The following AXDND1 variants were observed in gnomAD, a reference collection of about 807,000 sequenced individuals.
The protein encoded by AXDND1 is axonemal dynein light chain domain-containing protein 1.
In AXDND1, 110 loss-of-function variants were observed where a neutral mutation model predicts 137.5. The ratio of observed to expected loss-of-function variants is 0.80; its 90% CI spans 0.69 to 0.94. AXDND1 has a LOEUF of 0.94. Ranked by LOEUF, AXDND1 falls within the 40% of genes least tolerant of loss-of-function variation. The pLI is 0.00. For missense variants in AXDND1, 1,191 were observed against 1,169.8 expected (o/e 1.02, Z -0.26); for synonymous variants, 414 against 399.7 (o/e 1.04, Z -0.43).
chr1:179,388,151 A>C (rs913133106), intron 9 of AXDND1, among the ~76,000 whole-genome samples: 3 of 152,176 alleles, frequency 2.0e-5, no homozygotes, highest in Non-Finnish European at 2.9e-5. Flanking sequence ...CTGGTCTCTC[A>C]GGGATCACTC....
intron 14 of AXDND1, among the ~76,000 whole-genome samples, chr1:179,431,675 G>A (rs1037391804): frequency 6.6e-6 from 1 of 151,938 alleles, no homozygotes; most frequent in Non-Finnish European, 1.5e-5. Context: ...CCCATTAGTA[G>A]ATTTGGAAGT....
Position 179,534,881 on chromosome 1 carries a change from A to C in AXDND1, c.2950A>C (p.Arg984=), listed in dbSNP as rs748773326. ...AGAAGAGAAAGAAAATCAAGATGAA[A>C]GAGAAGTAAAAGAAGAAGAAGAACA... ...SKEEKENQDE[R]EVKEEEEQQE... Residue 984 remains arginine, a synonymous_variant, in exon 25 of 26, where the codon AGA becomes CGA. Coordinates refer to ENST00000367618, the MANE Select transcript of AXDND1 (RefSeq NM_144696.6). 2 of 1,602,772 alleles carry C rather than the reference A, an allele frequency of 1.2e-6. No individual in the cohort carries two copies. The highest frequency in any genetic ancestry group is 4.5e-5 in the East Asian group (2 of 44,338).
intron 20 of AXDND1, among the ~76,000 whole-genome samples, chr1:179,500,185 C>A (rs11803274): frequency 0.061 from 9,242 of 151,964 alleles, 354 homozygotes; most frequent in Non-Finnish European, 0.07. Context: ...GGGTAACACA[C>A]ATTATGAACA....
chr1:179,444,417 T>A (rs1393283923), intron 15 of AXDND1, among the ~76,000 whole-genome samples: 3 of 152,094 alleles, frequency 2.0e-5, no homozygotes, highest in Non-Finnish European at 4.4e-5. Context: ...TGCTAATTAC[T>A]CTTATTGAAG....
intron 2 of AXDND1, among the ~76,000 whole-genome samples, chr1:179,367,366 TAGG>T (rs1216432745): frequency 5.3e-5 from 8 of 151,680 alleles, no homozygotes; most frequent in African/African-American, 1.9e-4. Flanking sequence ...ATACAAAAAT[TAGG>T]GGGGGCGTGG....
At chr1:179,426,752 AT>A (rs1221148415) in intron 12 of AXDND1, among the ~76,000 whole-genome samples, 1 of 152,238 alleles carries the variant, frequency 6.6e-6, no homozygotes, top group Non-Finnish European at 1.5e-5. Context: ...ATTTAAAAGA[AT>A]GTTGTAGATA....
intron 11 of AXDND1, among the ~76,000 whole-genome samples, chr1:179,397,774 T>C (rs1651303182): frequency 6.6e-6 from 1 of 152,242 alleles, no homozygotes; most frequent in African/African-American, 2.4e-5. Context: ...ACTTGGTTTA[T>C]TCTGCTATTA....
intron 4 of AXDND1, among the ~76,000 whole-genome samples, chr1:179,376,087 T>C (rs895395859): frequency 3.3e-5 from 5 of 152,206 alleles, no homozygotes; most frequent in African/African-American, 1.2e-4. Context: ...TCTAAAATAA[T>C]TTAAAATTTC....
At chr1:179,376,564 G>C (rs976210556) in intron 4 of AXDND1, among the ~76,000 whole-genome samples, 2 of 152,004 alleles carry the variant, frequency 1.3e-5, no homozygotes, top group African/African-American at 4.8e-5. Context: ...TACACTTTTC[G>C]GTTGCTTACC....
intron 11 of AXDND1, among the ~76,000 whole-genome samples, chr1:179,400,482 G>A (rs78233610): frequency 0.072 from 10,922 of 151,876 alleles, 523 homozygotes; most frequent in Non-Finnish European, 0.098. Context: ...TATACTGCTC[G>A]AGTGATGGGT....
intron 17 of AXDND1, among the ~76,000 whole-genome samples, chr1:179,480,659 G>A (rs942030807): frequency 6.6e-5 from 10 of 152,042 alleles, no homozygotes; most frequent in Non-Finnish European, 1.0e-4. Flanking sequence ...TCTTTTTGTT[G>A]TTGTTGTTTT....
intron 17 of AXDND1, among the ~76,000 whole-genome samples, chr1:179,477,255 C>T (rs80193766): frequency 0.03 from 4,512 of 152,104 alleles, 248 homozygotes; most frequent in African/African-American, 0.1. Flanking sequence ...ATAATACCTT[C>T]CTTTGTTTAT....
rs1571882821 is a variant in AXDND1 at position 179,449,988 on chromosome 1, A to ATTCTTTT, written c.1798+4786_1798+4787insCTTTTTT. On this transcript the variant is annotated intron_variant, in intron 16 of 25. Transcript: ENST00000367618. The stretch of plus-strand genomic sequence containing the variant: ...TTTTACTAGTTTCTTGCCAATCTGG[A>ATTCTTTT]TTTTTTTTTTTTTTTTTTTTTTTTT... 41 of 65,352 alleles carry ATTCTTTT rather than the reference A, an allele frequency of 6.3e-4. 7 individuals carry two copies. Among genetic ancestry groups the ATTCTTTT allele is most frequent in the Non-Finnish European group, 6.6e-4 (24 of 36,178 alleles). The allele number at this position is 65,352 out of a possible 1,614,324, so 4.0% of individuals were successfully genotyped here. A position where few individuals can be genotyped will look rare whatever the true frequency, so the allele number is the denominator to read the frequency against.
chr1:179,541,994 G>A (rs1401761492), intron 25 of AXDND1, among the ~76,000 whole-genome samples: 1 of 152,048 alleles, frequency 6.6e-6, no homozygotes, highest in East Asian at 1.9e-4. Flanking sequence ...TTTAAAGGCA[G>A]AAAAAAGACC....
chr1:179,423,000 G>A (rs1227235200), intron 12 of AXDND1, among the ~76,000 whole-genome samples: 2 of 152,148 alleles, frequency 1.3e-5, no homozygotes, highest in African/African-American at 4.8e-5. Flanking sequence ...CTGACCTCAA[G>A]TGATCCGCCC....
At chr1:179,392,164 T>G (rs11804154) in intron 9 of AXDND1, among the ~76,000 whole-genome samples, 44,321 of 152,116 alleles carry the variant, frequency 0.29, 6,656 homozygotes, top group Non-Finnish European at 0.31. Flanking sequence ...GTCCATTATA[T>G]CATTCTTATG....
chr1:179,517,532 T>C (rs549270296), intron 21 of AXDND1, among the ~76,000 whole-genome samples: 3 of 152,216 alleles, frequency 2.0e-5, no homozygotes, highest in African/African-American at 7.2e-5. Flanking sequence ...TGGGGCGTTT[T>C]CCCCTGTGCC....
At chr1:179,494,453 T>A (rs1317063557) in intron 20 of AXDND1, among the ~76,000 whole-genome samples, 1 of 152,192 alleles carries the variant, frequency 6.6e-6, no homozygotes, top group East Asian at 1.9e-4. Context: ...TCCTTATTAT[T>A]GAGTTTAGAC....
intron 20 of AXDND1, among the ~76,000 whole-genome samples, chr1:179,501,361 C>T (rs1475371435): frequency 6.6e-6 from 1 of 152,050 alleles, no homozygotes; most frequent in African/African-American, 2.4e-5. Flanking sequence ...AAATTTATGG[C>T]CTTTTATATA....
Sources: gnomAD v4.1 joint callset for allele counts (sites outside exome capture counted in the v4.1 genomes callset) on GRCh38, gnomAD v4.1.1 for gene constraint, MANE v1.5 for transcripts, NCBI Gene and HGNC (gene_info 2026-07-23, HGNC 2026-07-21) for gene names.